RFXANK: variants seen among roughly 807,000 people sequenced by gnomAD.
The protein encoded by RFXANK is DNA-binding protein RFXANK.
RFXANK carries 19 observed loss-of-function variants against 34.5 expected under a neutral mutation model. The observed-to-expected ratio is 0.55, with a 90% CI of 0.38 to 0.81. RFXANK has a LOEUF of 0.81. RFXANK is among the 30% of genes least tolerant of loss of function. The pLI is 0.00. For synonymous variants in RFXANK, 154 were observed against 149.8 expected (o/e 1.03, Z -0.20); for missense variants, 295 against 343.5 (o/e 0.86, Z 1.12).
Position 19,197,565 on chromosome 19 carries a change from C to G in RFXANK, c.382C>G (p.Leu128Val). 12 of 1,613,954 alleles carry G rather than the reference C, an allele frequency of 7.4e-6. No homozygotes were observed. Among genetic ancestry groups the G allele is most frequent in the Middle Eastern group, 1.6e-4 (1 of 6,062 alleles). The change falls in exon 6 of 10, where the codon CTC becomes GTC. Residue 128 changes from leucine to valine, a missense_variant. Leu to Val is a conservative substitution (Grantham distance 32). Transcript: ENST00000303088. ...GCCAGACGAGCGCGGCTTCACCCCCCTCATCTGGGCCTCCGCCTTTGGAGA... is the reference window on the plus strand; with the variant it reads ...GCCAGACGAGCGCGGCTTCACCCCCGTCATCTGGGCCTCCGCCTTTGGAGA... ...NKPDERGFTPLIWASAFGEIE... is the reference protein window; with the variant it reads ...NKPDERGFTPVIWASAFGEIE...
chr19:19,192,452 A>T lies in RFXANK; in HGVS notation c.-252A>T. The T allele has an allele frequency of 1.4e-5, 5 of 361,406 alleles. No individual in the cohort carries two copies. The highest frequency in any genetic ancestry group is 7.8e-4 in the Middle Eastern group (1 of 1,288). The allele number at this position is 361,406 out of a possible 1,614,324, so 22.4% of individuals were successfully genotyped here. A position where few individuals can be genotyped will look rare whatever the true frequency, so the allele number is the denominator to read the frequency against. ...TGGGGGAGTCCTCCACGCATTACCC[A>T]CTCGGGCCGCAAAAACTCCCTTCTT... On this transcript the variant is annotated 5_prime_UTR_variant, in exon 1 of 10. Coordinates refer to ENST00000303088, the MANE Select transcript of RFXANK (RefSeq NM_003721.4).
intron 8 of RFXANK, 96 bp downstream of exon 8, chr19:19,198,819 G>C: frequency 7.9e-7 from 1 of 1,262,052 alleles, no homozygotes. Context: ...GTTGCTTGAA[G>C]AGTTCTTGGA....
At chr19:19,194,496 A>G (rs980154250) in intron 3 of RFXANK, among the ~76,000 whole-genome samples, 15 of 152,156 alleles carry the variant, frequency 9.9e-5, no homozygotes, top group African/African-American at 3.6e-4. Flanking sequence ...TCGGCCTCCC[A>G]AAGTGCTGGG....
intron 3 of RFXANK, among the ~76,000 whole-genome samples, chr19:19,194,503 T>A (rs2060562048): frequency 6.6e-6 from 1 of 152,196 alleles, no homozygotes; most frequent in African/African-American, 2.4e-5. Context: ...CCCAAAGTGC[T>A]GGGATTACAG....
At chr19:19,197,799 A>G in intron 6 of RFXANK, 178 bp downstream of exon 6, 1 of 669,202 alleles carries the variant, frequency 1.5e-6, no homozygotes, top group South Asian at 1.8e-5. Context: ...ACTTGAGGTC[A>G]GGAGTTCAAG....
rs189898377 is a variant in RFXANK at position 19,193,807 on chromosome 19, C to T, written c.-8-132C>T. 6.5e-5 allele frequency: 66 copies of T among 1,015,268 alleles called. No homozygotes were observed. The East Asian group carries it at 1.1e-3, about 16-fold the overall frequency. The allele number at this position is 1,015,268 out of a possible 1,614,324, so 62.9% of individuals were successfully genotyped here. On this transcript the variant is annotated intron_variant, in intron 2 of 9. Transcript: ENST00000303088. ...CAGTTGGACTCTGGTTTTCATTTCC[C>T]TGGCTCTGGTAATTAACCTGGACCT...
rs529519604 is a variant in RFXANK, at chr19:19,198,090, CCTT to C, written c.439-11_439-9del. The C allele has an allele frequency of 2.7e-4, 431 of 1,613,768 alleles. No homozygotes were observed. The highest frequency in any genetic ancestry group is 3.1e-4 in the Non-Finnish European group (371 of 1,179,998). ...TGCCCCAATCCATCCTACCACTGTC[CCTT>C]CTTCTCCCTGCAGGGTGCCGACCCC... On this transcript the variant is annotated splice_polypyrimidine_tract_variant and intron_variant, in intron 6 of 9. Coordinates refer to ENST00000303088, the MANE Select transcript of RFXANK (RefSeq NM_003721.4).
chr19:19,199,047 CGGCT>C lies in RFXANK; in HGVS notation c.632-105_632-102del, dbSNP rs758398291. 1.0e-4 allele frequency: 117 copies of C among 1,132,550 alleles called. 2 individuals are homozygous for C. The South Asian group carries it at 1.4e-3, about 13-fold the overall frequency. 70.2% of individuals were successfully genotyped at this position (1,132,550 alleles called of 1,614,324 possible). On this transcript the variant is annotated intron_variant, in intron 8 of 9. Transcript: ENST00000303088. ...GCCACATGGGCAACGGGCAGACCCA[CGGCT>C]GCATTGTGGGGAATGAGGGGTGCCA...
Position 19,193,917 on chromosome 19 carries a change from C to T in RFXANK, c.-8-22C>T, listed in dbSNP as rs757314053. 8 of 1,612,662 alleles carry T rather than the reference C, an allele frequency of 5.0e-6. No homozygotes were observed. The East Asian group carries it at 1.6e-4, about 31-fold the overall frequency. ...ACTGTTGATAATTATTGTCATCTCT[C>T]CCCTTCTGACACCTCCGCCAGCTTT... On this transcript the variant is annotated intron_variant, in intron 2 of 9. Coordinates refer to ENST00000303088, the MANE Select transcript of RFXANK (RefSeq NM_003721.4).
In RFXANK at chr19:19,192,345, G is replaced by A; in HGVS notation, c.-359G>A. On this transcript the variant is annotated 5_prime_UTR_variant, in exon 1 of 10. Transcript: ENST00000303088. ...AGTGAGGAGGGGGCGCGACGGCCAG[G>A]AGGCTGGTGGAGCGACACCCAGGCA... The A allele has an allele frequency of 3.4e-6, 2 of 596,468 alleles. No individual in the cohort carries two copies. Among genetic ancestry groups the A allele is most frequent in the Admixed American group, 6.0e-5 (2 of 33,396 alleles). The allele number at this position is 596,468 out of a possible 1,614,324, so 36.9% of individuals were successfully genotyped here.
At position 19,198,194 on chromosome 19, in the gene RFXANK, C is replaced by T. The variant is rs1214350944; in HGVS notation, c.526C>T (p.Leu176=). 1 of 1,614,174 alleles carries T rather than the reference C, an allele frequency of 6.2e-7. No homozygotes were observed. Among genetic ancestry groups the T allele is most frequent in the East Asian group, 2.2e-5 (1 of 44,880 alleles). Residue 176 remains leucine (L), a synonymous_variant, in exon 7 of 10, where the codon CTG becomes TTG. Coordinates refer to ENST00000303088, the MANE Select transcript of RFXANK (RefSeq NM_003721.4). ...CGGCTACACAGACATTGTGGGGCTG[C>T]TGCTGGAGCGTGACGTGGACATCAA... is the stretch of plus-strand genomic sequence containing the variant. ...TGGYTDIVGL[L]LERDVDINIY... is the part of the protein sequence containing the mutation.
chr19:19,201,815 G>T lies in RFXANK; in HGVS notation c.*96G>T. The T allele has an allele frequency of 6.2e-7, 1 of 1,612,252 alleles. No individual in the cohort carries two copies. Among genetic ancestry groups the T allele is most frequent in the South Asian group, 1.1e-5 (1 of 90,918 alleles). On this transcript the variant is annotated 3_prime_UTR_variant, in exon 10 of 10. Coordinates refer to ENST00000303088, the MANE Select transcript of RFXANK (RefSeq NM_003721.4). ...GACTTCAAAGGCAGCTTCTGGACAG[G>T]TGGTGGGAGGGGACCCTTCCCAAGA...
In RFXANK at chr19:19,194,264, C is replaced by T. The variant is rs997061865; in HGVS notation, c.187+131C>T. On this transcript the variant is annotated intron_variant, in intron 3 of 9. Coordinates refer to ENST00000303088, the MANE Select transcript of RFXANK (RefSeq NM_003721.4). The stretch of plus-strand genomic sequence containing the variant: ...TGTTGTTTTTTGAGATGGAGTTTTG[C>T]TCTTGTTGCCCATGCTGGAGTGCAA... 5.0e-6 allele frequency: 5 copies of T among 1,010,054 alleles called. No individual in the cohort carries two copies. In the Admixed American group the frequency reaches 5.9e-5, roughly 12 times the overall value. The allele number at this position is 1,010,054 out of a possible 1,614,324, so 62.6% of individuals were successfully genotyped here.
At chr19:19,197,151 G>C in intron 4 of RFXANK, 35 bp from the exon 5 acceptor site, 1 of 1,613,480 alleles carries the variant, frequency 6.2e-7, no homozygotes, top group Admixed American at 1.7e-5. Context: ...AGAAGCAAGG[G>C]GATGAGTGAG....
intron 3 of RFXANK, among the ~76,000 whole-genome samples, chr19:19,196,058 A>G (rs2060594118): frequency 6.6e-6 from 1 of 152,152 alleles, no homozygotes; most frequent in African/African-American, 2.4e-5. Flanking sequence ...TCTTTTGAAC[A>G]CTTATTTCAA....
In RFXANK at chr19:19,198,027, AGAT is replaced by A. The variant is rs1292453159; in HGVS notation, c.439-78_439-76del. 265 of 1,535,474 alleles carry A rather than the reference AGAT, an allele frequency of 1.7e-4. No individual in the cohort carries two copies. The East Asian group carries it at 5.1e-3, about 30-fold the overall frequency. On this transcript the variant is annotated intron_variant, in intron 6 of 9. Transcript: ENST00000303088. ...ACTCTATCTCCAAAAAAAAAAAAAA[AGAT>A]GCGGCTGCTGTGGGTACCCCAGGAT...
At chr19:19,195,184 G>A (rs1199060605) in intron 3 of RFXANK, among the ~76,000 whole-genome samples, 1 of 143,328 alleles carries the variant, frequency 7.0e-6, no homozygotes, top group Non-Finnish European at 1.5e-5. Flanking sequence ...TCAGCCTCCC[G>A]AGTAGCTGGG....
At position 19,194,117 on chromosome 19, in the gene RFXANK, T is replaced by C. The variant is rs530817217; in HGVS notation, c.171T>C (p.Ser57=). ...CTGTGAATCCTGAACCGGATGCCAGTGTTTCCTCTCCACAGGGTAGGATAC... is the reference window on the plus strand; with the variant it reads ...CTGTGAATCCTGAACCGGATGCCAGCGTTTCCTCTCCACAGGGTAGGATAC... ...PEPVNPEPDA[S]VSSPQAGSSL... is the part of the protein sequence containing the mutation. The change falls in exon 3 of 10, where the codon AGT becomes AGC. Residue 57 remains serine, a synonymous_variant. Transcript: ENST00000303088. The C allele has an allele frequency of 6.2e-7, 1 of 1,614,230 alleles. No homozygotes were observed. Among genetic ancestry groups the C allele is most frequent in the Admixed American group, 1.7e-5 (1 of 60,006 alleles).
chr19:19,197,068 A>G, intron 4 of RFXANK, 22 bp downstream of exon 4: 1 of 1,613,324 alleles, frequency 6.2e-7, no homozygotes, highest in Non-Finnish European at 8.5e-7. Flanking sequence ...CACGGTCCCC[A>G]ACAAGGAGAG....
Sources: gnomAD v4.1 joint callset for allele counts (sites outside exome capture counted in the v4.1 genomes callset) on GRCh38, gnomAD v4.1.1 for gene constraint, MANE v1.5 for transcripts, NCBI Gene and HGNC (gene_info 2026-07-23, HGNC 2026-07-21) for gene names.